The following DNAJC1 variants were observed in gnomAD, a reference collection of about 807,000 sequenced individuals.
DNAJC1 encodes the protein DnaJ heat shock protein family (Hsp40) member C1.
DNAJC1 carries 58 observed loss-of-function variants against 76.6 expected under a neutral mutation model. The observed-to-expected ratio is 0.76, with a 90% CI of 0.61 to 0.94. The LOEUF is 0.94. Among genes scored for constraint, DNAJC1 ranks in the 40% least tolerant of loss-of-function variants. The pLI is 0.00. For synonymous variants in DNAJC1, 258 were observed against 267.9 expected, an observed-to-expected ratio of 0.96 and a Z score of 0.36; for missense variants, 689 against 677.3, an observed-to-expected ratio of 1.02 and a Z score of -0.19.
intron 8 of DNAJC1, among the ~76,000 whole-genome samples, chr10:21,820,613 C>T (rs1448295591): frequency 1.3e-5 from 2 of 152,194 alleles, no homozygotes; most frequent in East Asian, 3.8e-4. Context: ...CCCTATCTAC[C>T]TGGAGACAGT....
At chr10:21,762,869 T>C (rs2131616838) in intron 10 of DNAJC1, among the ~76,000 whole-genome samples, 1 of 152,348 alleles carries the variant, frequency 6.6e-6, no homozygotes, top group South Asian at 2.1e-4. Context: ...AGAGTTTTTA[T>C]AGGTCACATT....
intron 8 of DNAJC1, among the ~76,000 whole-genome samples, chr10:21,856,606 TA>T (rs1460183199): frequency 1.3e-5 from 2 of 151,908 alleles, no homozygotes; most frequent in African/African-American, 4.8e-5. Flanking sequence ...AAGAACCAAT[TA>T]AAAAAAATTT....
chr10:21,894,916 A>G (rs1836516382), intron 7 of DNAJC1, among the ~76,000 whole-genome samples: 1 of 152,210 alleles, frequency 6.6e-6, no homozygotes, highest in Non-Finnish European at 1.5e-5. Flanking sequence ...TCTTGGAAAC[A>G]GAGACCAGGG....
chr10:21,909,351 T>A (rs1294529725), intron 6 of DNAJC1, among the ~76,000 whole-genome samples: 13 of 152,272 alleles, frequency 8.5e-5, no homozygotes, highest in African/African-American at 3.1e-4. Context: ...AACAGGGATA[T>A]TTATGCTTAT....
chr10:21,932,198 G>A (rs1837239253), intron 1 of DNAJC1, among the ~76,000 whole-genome samples: 1 of 152,204 alleles, frequency 6.6e-6, no homozygotes, highest in Non-Finnish European at 1.5e-5. Flanking sequence ...TAATTAGCTG[G>A]GTGTGGTGGC....
chr10:21,869,756 T>G (rs1236356586), intron 8 of DNAJC1, among the ~76,000 whole-genome samples: 1 of 152,032 alleles, frequency 6.6e-6, no homozygotes, highest in Non-Finnish European at 1.5e-5. Flanking sequence ...AATCTATAGG[T>G]GATGAAATGA....
chr10:21,879,101 T>C (rs1318598047), intron 8 of DNAJC1, among the ~76,000 whole-genome samples: 1 of 152,178 alleles, frequency 6.6e-6, no homozygotes, highest in Non-Finnish European at 1.5e-5. Context: ...ATCATCTTTG[T>C]GGAAGAGAAG....
At chr10:21,902,080 C>T (rs952898766) in intron 7 of DNAJC1, among the ~76,000 whole-genome samples, 6 of 152,122 alleles carry the variant, frequency 3.9e-5, no homozygotes, top group Non-Finnish European at 8.8e-5. Flanking sequence ...GATACCATCA[C>T]CTTTTCTAAA....
At chr10:21,959,551 G>A (rs554905897) in intron 1 of DNAJC1, among the ~76,000 whole-genome samples, 18 of 152,016 alleles carry the variant, frequency 1.2e-4, no homozygotes, top group African/African-American at 4.3e-4. Flanking sequence ...AGCACTTTGG[G>A]AAGCCATGCA....
intron 1 of DNAJC1, among the ~76,000 whole-genome samples, chr10:21,955,402 T>G (rs1837661456): frequency 6.6e-6 from 1 of 152,170 alleles, no homozygotes; most frequent in South Asian, 2.1e-4. Flanking sequence ...GGAGATACAG[T>G]GTATACAGAA....
intron 8 of DNAJC1, among the ~76,000 whole-genome samples, chr10:21,818,365 A>T (rs545011512): frequency 5.3e-5 from 8 of 152,346 alleles, no homozygotes; most frequent in Admixed American, 2.0e-4. Context: ...CCTGTCTCCT[A>T]ATAAGATGTT....
chr10:21,760,516 C>T (rs925100839), intron 10 of DNAJC1, among the ~76,000 whole-genome samples: 1 of 152,022 alleles, frequency 6.6e-6, no homozygotes, highest in Admixed American at 6.6e-5. Flanking sequence ...ATGACAATAC[C>T]CAGTGCTGGC....
intron 7 of DNAJC1, among the ~76,000 whole-genome samples, chr10:21,885,306 T>C (rs1014189404): frequency 3.3e-5 from 5 of 152,118 alleles, no homozygotes; most frequent in South Asian, 2.1e-4. Flanking sequence ...TAAATATATA[T>C]GCACCCAACA....
intron 1 of DNAJC1, among the ~76,000 whole-genome samples, chr10:21,964,723 T>A (rs926153758): frequency 9.3e-5 from 14 of 151,208 alleles, no homozygotes; most frequent in South Asian, 2.1e-4. Context: ...TTTTTTTTTT[T>A]AATTCTGTTT....
At chr10:21,766,657 G>A (rs982123212) in intron 9 of DNAJC1, among the ~76,000 whole-genome samples, 6 of 151,584 alleles carry the variant, frequency 4.0e-5, no homozygotes, top group African/African-American at 1.2e-4. Context: ...TATGCACAAC[G>A]GGGGCTGCCT....
At chr10:21,816,335 G>A (rs894665695) in intron 8 of DNAJC1, among the ~76,000 whole-genome samples, 24 of 151,898 alleles carry the variant, frequency 1.6e-4, no homozygotes, top group Non-Finnish European at 2.8e-4. Flanking sequence ...GCTCCAGCCT[G>A]GCCGACAGAG....
intron 1 of DNAJC1, among the ~76,000 whole-genome samples, chr10:21,968,892 G>GT (rs142399448): frequency 0.03 from 4,531 of 152,116 alleles, 101 homozygotes; most frequent in Non-Finnish European, 0.049. Flanking sequence ...GTCATTCCCT[G>GT]TTTGTGCACA....
intron 9 of DNAJC1, among the ~76,000 whole-genome samples, chr10:21,804,709 G>A (rs1455394079): frequency 1.3e-5 from 2 of 149,524 alleles, no homozygotes; most frequent in African/African-American, 4.9e-5. Context: ...TTTCCCCTAT[G>A]ATCAAACTTC....
chr10:21,767,379 G>C (rs1834313867), intron 9 of DNAJC1, among the ~76,000 whole-genome samples: 1 of 152,150 alleles, frequency 6.6e-6, no homozygotes, highest in Admixed American at 6.5e-5. Context: ...ATGTCTTTGA[G>C]ATCTACATAC....
Sources: gnomAD v4.1 joint callset for allele counts (sites outside exome capture counted in the v4.1 genomes callset) on GRCh38, gnomAD v4.1.1 for gene constraint, MANE v1.5 for transcripts, NCBI Gene and HGNC (gene_info 2026-07-23, HGNC 2026-07-21) for gene names.